LOXL2: variants seen among roughly 807,000 people sequenced by gnomAD.
The protein encoded by LOXL2 is lysyl oxidase like 2.
A neutral mutation model predicts 93.0 loss-of-function variants in LOXL2; 70 were observed. The observed-to-expected ratio is 0.75, with a 90% CI of 0.62 to 0.92. The LOEUF (loss-of-function observed/expected upper bound fraction) is 0.92, where lower values mean the gene tolerates loss of function less well. Ranked by LOEUF, LOXL2 falls within the 40% of genes least tolerant of loss-of-function variation. LOXL2 has a pLI of 0.00. For synonymous variants in LOXL2, 438 were observed against 413.2 expected, an observed-to-expected ratio of 1.06 and a Z score of -0.73; for missense variants, 973 against 1,054.9, an observed-to-expected ratio of 0.92 and a Z score of 1.08.
chr8:23,369,753 C>T (rs951875482), intron 1 of LOXL2, among the ~76,000 whole-genome samples: 3 of 152,186 alleles, frequency 2.0e-5, no homozygotes. Flanking sequence ...GACTAACAAA[C>T]AAGGCCAGAA....
intron 1 of LOXL2, among the ~76,000 whole-genome samples, chr8:23,384,698 G>A (rs896233554): frequency 6.6e-6 from 1 of 152,166 alleles, no homozygotes; most frequent in Non-Finnish European, 1.5e-5. Context: ...CGGATCACCT[G>A]AAGTCAGGAG....
chr8:23,396,650 T>C (rs956378203), intron 1 of LOXL2, among the ~76,000 whole-genome samples: 2 of 151,154 alleles, frequency 1.3e-5, no homozygotes, highest in African/African-American at 4.9e-5. Flanking sequence ...GATTATAAAC[T>C]GACTCTTTCA....
In LOXL2 at chr8:23,302,035, G is replaced by A. The variant is rs771725565; in HGVS notation, c.2125C>T (p.Leu709=). The change falls in exon 12 of 14, where the codon CTG becomes TTG. Residue 709 remains leucine (L), a synonymous_variant. Transcript: ENST00000389131. ...DITDVPPGDY[L]FQVVINPNFE... ...CTTCCCACCCACCTCACCTGGAACA[G>A]GTAGTCTCCAGGGGGCACGTCAGTG... 3 of 1,614,136 alleles carry A rather than the reference G, an allele frequency of 1.9e-6. No homozygotes were observed. The highest frequency in any genetic ancestry group is 1.7e-6 in the Non-Finnish European group (2 of 1,179,990).
At chr8:23,298,506 G>A (rs1397731596) in intron 13 of LOXL2, among the ~76,000 whole-genome samples, 6 of 152,180 alleles carry the variant, frequency 3.9e-5, no homozygotes, top group Admixed American at 3.9e-4. Context: ...AGAAAAACCT[G>A]ATAGGCAGAG....
chr8:23,389,150 C>G (rs1029714525), intron 1 of LOXL2, among the ~76,000 whole-genome samples: 2 of 152,224 alleles, frequency 1.3e-5, no homozygotes, highest in African/African-American at 4.8e-5. Context: ...TTTGACCCAG[C>G]AGAGCTAACA....
At chr8:23,392,351 T>A (rs778371736) in intron 1 of LOXL2, among the ~76,000 whole-genome samples, 3 of 152,196 alleles carry the variant, frequency 2.0e-5, no homozygotes, top group Non-Finnish European at 4.4e-5. Flanking sequence ...TGGCCGGGCT[T>A]GGCTGCTACA....
At chr8:23,346,445 C>T (rs1309725568) in intron 3 of LOXL2, among the ~76,000 whole-genome samples, 1 of 152,118 alleles carries the variant, frequency 6.6e-6, no homozygotes, top group African/African-American at 2.4e-5. Flanking sequence ...TGCACCCGTT[C>T]CTAGAAGGGA....
chr8:23,343,538 C>T (rs980039720), intron 3 of LOXL2, among the ~76,000 whole-genome samples: 2 of 152,222 alleles, frequency 1.3e-5, no homozygotes, highest in African/African-American at 2.4e-5. Context: ...GCAAATGAAC[C>T]ACGAGTTTGA....
chr8:23,389,108 G>A (rs1804806586), intron 1 of LOXL2, among the ~76,000 whole-genome samples: 1 of 152,146 alleles, frequency 6.6e-6, no homozygotes, highest in Admixed American at 6.5e-5. Context: ...ATGGATGAGT[G>A]TTTGAAAATC....
intron 1 of LOXL2, among the ~76,000 whole-genome samples, chr8:23,378,768 C>A (rs938747507): frequency 6.6e-6 from 1 of 152,216 alleles, no homozygotes; most frequent in African/African-American, 2.4e-5. Flanking sequence ...ACGTAGTTCT[C>A]GTGCCATGGT....
intron 1 of LOXL2, chr8:23,382,603 T>C (rs769959135): frequency 2.0e-5 from 3 of 152,134 alleles, no homozygotes; most frequent in Admixed American, 6.5e-5. Flanking sequence ...CCTCACTTTT[T>C]CCCAGGAGGT....
intron 9 of LOXL2, among the ~76,000 whole-genome samples, chr8:23,315,255 AG>A (rs1803377422): frequency 6.6e-6 from 1 of 152,178 alleles, no homozygotes; most frequent in East Asian, 1.9e-4. Flanking sequence ...GGTGGGGAAG[AG>A]GGAGAATCAA....
intron 6 of LOXL2, among the ~76,000 whole-genome samples, chr8:23,324,809 A>G (rs775265218): frequency 1.3e-5 from 2 of 152,238 alleles, no homozygotes; most frequent in Non-Finnish European, 2.9e-5. Flanking sequence ...TAAGCTGGTT[A>G]CATTCAGATT....
In LOXL2 at chr8:23,316,992, G is replaced by C. The variant is rs149160173; in HGVS notation, c.1593C>G (p.Pro531=). The C allele has an allele frequency of 9.9e-6, 16 of 1,613,804 alleles. No individual in the cohort carries two copies. The African/African-American group carries it at 2.0e-4, about 20-fold the overall frequency. ...CGGCCCCGTACTGCACTCCGCCCTG[G>C]GGGCAGGCCACGTCCTCCCCGTCGT... ...CRHDGEDVAC[P]QGGVQYGAGV... Residue 531 remains proline, a synonymous_variant, in exon 9 of 14, where the codon CCC becomes CCG. Transcript: ENST00000389131.
intron 1 of LOXL2, among the ~76,000 whole-genome samples, chr8:23,383,644 A>G (rs1804710146): frequency 7.7e-6 from 1 of 130,222 alleles, no homozygotes. Flanking sequence ...GGGCACTTTT[A>G]CGTTTTTTTT....
At chr8:23,374,391 A>G (rs981265692) in intron 1 of LOXL2, among the ~76,000 whole-genome samples, 5 of 152,118 alleles carry the variant, frequency 3.3e-5, no homozygotes, top group African/African-American at 1.2e-4. Flanking sequence ...GCTATTGTGA[A>G]TAGTGCCGCA....
chr8:23,384,679 C>T (rs1181297333), intron 1 of LOXL2, among the ~76,000 whole-genome samples: 3 of 152,208 alleles, frequency 2.0e-5, no homozygotes, highest in Non-Finnish European at 4.4e-5. Context: ...CTTTGAAGGC[C>T]GAGGCGGGCG....
At chr8:23,332,176 TCACACACACACACACACCCCA>T (rs1293896089) in intron 5 of LOXL2, among the ~76,000 whole-genome samples, 3 of 146,352 alleles carry the variant, frequency 2.0e-5, no homozygotes, top group Non-Finnish European at 4.5e-5. Flanking sequence ...TCACACTCTC[TCACACACACACACACACCCCA>T]CACACACCCA....
At chr8:23,335,107 G>T (rs540857670) in intron 4 of LOXL2, among the ~76,000 whole-genome samples, 1 of 152,062 alleles carries the variant, frequency 6.6e-6, no homozygotes, top group African/African-American at 2.4e-5. Context: ...GAGCTATCAC[G>T]CCAGACCATA....
Sources: gnomAD v4.1 joint callset for allele counts (sites outside exome capture counted in the v4.1 genomes callset) on GRCh38, gnomAD v4.1.1 for gene constraint, MANE v1.5 for transcripts, NCBI Gene and HGNC (gene_info 2026-07-23, HGNC 2026-07-21) for gene names.